Variants in GABRA5 observed in about 807,000 individuals in gnomAD.
GABRA5 encodes the protein gamma-aminobutyric acid receptor subunit alpha-5.
In GABRA5, 18 loss-of-function variants were observed where a neutral mutation model predicts 47.3. The observed-to-expected ratio is 0.38, with a 90% CI of 0.26 to 0.56. The LOEUF (loss-of-function observed/expected upper bound fraction) is 0.56. Ranked by LOEUF, GABRA5 falls within the 20% of genes least tolerant of loss-of-function variation. The pLI is 0.71. For synonymous variants in GABRA5, 237 were observed against 229.3 expected (o/e 1.03, Z -0.30); for missense variants, 365 against 599.3 (o/e 0.61, Z 4.08).
Position 26,872,309 on chromosome 15 carries a change from G to C in GABRA5, c.86+2975G>C, listed in dbSNP as rs143237042. Among the ~76,000 whole-genome samples the C allele has an allele frequency of 4.4e-3, 664 of 152,280 alleles. 3 individuals carry two copies. The highest frequency in any genetic ancestry group is 0.016 in the African/African-American group (649 of 41,550). On this transcript the variant is annotated intron_variant, in intron 3 of 10. Coordinates refer to ENST00000335625, the MANE Select transcript of GABRA5 (RefSeq NM_000810.4). Reference sequence around the variant, plus strand: ...TCCTAGGAGCCACTGTATGAGCTGAGCACCGTTAGCCCATCTTCTAGCTGG... The same window carrying C: ...TCCTAGGAGCCACTGTATGAGCTGACCACCGTTAGCCCATCTTCTAGCTGG...
rs112829940 is a variant in GABRA5 at position 26,922,828 on chromosome 15, A to G, written c.580+7943A>G. ...CAGGCTGGAGTGCAATGGGGTGATCATAGCACACTGCAGCCTCAAACTCTT... is the reference window on the plus strand; with the variant it reads ...CAGGCTGGAGTGCAATGGGGTGATCGTAGCACACTGCAGCCTCAAACTCTT... On this transcript the variant is annotated intron_variant, in intron 7 of 10. Coordinates refer to ENST00000335625, the MANE Select transcript of GABRA5 (RefSeq NM_000810.4). Among the ~76,000 whole-genome samples the G allele has an allele frequency of 2.6e-3, 397 of 152,278 alleles. 5 individuals are homozygous for G. The highest frequency in any genetic ancestry group is 9.0e-3 in the African/African-American group (376 of 41,550).
intron 3 of GABRA5, among the ~76,000 whole-genome samples, chr15:26,875,562 A>G (rs1367345913): frequency 2.0e-5 from 3 of 152,150 alleles, no homozygotes; most frequent in African/African-American, 7.2e-5. Flanking sequence ...GAGGGAGGTG[A>G]GGATGTGAGC....
chr15:26,939,493 G>C (rs563174099), intron 8 of GABRA5: 1 of 722,906 alleles, frequency 1.4e-6, no homozygotes, highest in Admixed American at 1.9e-5. Context: ...GGGAGTGGTC[G>C]TCTCACCTCC....
chr15:26,891,180 G>A (rs2140266635), intron 6 of GABRA5, among the ~76,000 whole-genome samples: 1 of 152,234 alleles, frequency 6.6e-6, no homozygotes, highest in South Asian at 2.1e-4. Flanking sequence ...TCTCACACAG[G>A]ACCACATCAC....
intron 6 of GABRA5, among the ~76,000 whole-genome samples, chr15:26,902,114 T>C (rs1319622221): frequency 1.3e-5 from 2 of 152,090 alleles, no homozygotes; most frequent in African/African-American, 4.8e-5. Context: ...TCGATATCAT[T>C]ATGGCTACTC....
Position 26,948,369 on chromosome 15 carries a change from A to G in GABRA5, c.*136A>G. 1 of 736,734 alleles carries G rather than the reference A, an allele frequency of 1.4e-6. No individual in the cohort carries two copies. 45.6% of individuals were successfully genotyped at this position (736,734 alleles called of 1,614,324 possible). Reference sequence around the variant, plus strand: ...TTTGCATGTTTAATAATATGTACAAATAATATTGCCTTGATGTTTCTATAT... The same window carrying G: ...TTTGCATGTTTAATAATATGTACAAGTAATATTGCCTTGATGTTTCTATAT... On this transcript the variant is annotated 3_prime_UTR_variant, in exon 11 of 11. Transcript: ENST00000335625.
intron 4 of GABRA5, among the ~76,000 whole-genome samples, chr15:26,882,264 C>T (rs984222510): frequency 1.3e-5 from 2 of 152,140 alleles, no homozygotes; most frequent in Non-Finnish European, 1.5e-5. Flanking sequence ...TGGAAAGCCT[C>T]CCGGGCCACC....
chr15:26,875,519 G>A (rs920409579), intron 3 of GABRA5, among the ~76,000 whole-genome samples: 4 of 152,204 alleles, frequency 2.6e-5, no homozygotes, highest in Admixed American at 6.5e-5. Flanking sequence ...GAGACAGTGC[G>A]TGTGCTGGAA....
chr15:26,868,954 C>A (rs1002060738), intron 2 of GABRA5, among the ~76,000 whole-genome samples, 161 bp downstream of exon 2: 1 of 152,138 alleles, frequency 6.6e-6, no homozygotes, highest in Non-Finnish European at 1.5e-5. Context: ...TGATTCTGCA[C>A]CCTGAGTAGA....
rs567375116 is a variant in GABRA5, at chr15:26,944,262, G to A, written c.1089+836G>A. Among the ~76,000 whole-genome samples the A allele has an allele frequency of 7.9e-5, 12 of 152,354 alleles. No homozygotes were observed. In the East Asian group the frequency reaches 2.3e-3, roughly 29 times the overall value. On this transcript the variant is annotated intron_variant, in intron 10 of 10. Coordinates refer to ENST00000335625, the MANE Select transcript of GABRA5 (RefSeq NM_000810.4). ...AGTTACAGCAGAGCAGGAGGCCCTG[G>A]TTCCACTGGGAGACCTGCTTCCATC...
intron 2 of GABRA5, 30 bp from the exon 3 acceptor site, chr15:26,869,145 A>T: frequency 1.3e-6 from 1 of 749,930 alleles, no homozygotes; most frequent in South Asian, 1.5e-5. Context: ...ATTGATGTTC[A>T]CGTGCTTCCC....
At chr15:26,877,759 G>C in intron 3 of GABRA5, 1 of 436,476 alleles carries the variant, frequency 2.3e-6, no homozygotes, top group South Asian at 1.6e-5. Context: ...GTTTTGTAGA[G>C]AATATGCATT....
intron 6 of GABRA5, among the ~76,000 whole-genome samples, chr15:26,914,279 T>G (rs1324252108): frequency 6.6e-6 from 1 of 152,210 alleles, no homozygotes; most frequent in African/African-American, 2.4e-5. Flanking sequence ...GGTCAAAATT[T>G]GGGCGTGTAG....
At chr15:26,897,340 C>G (rs563352007) in intron 6 of GABRA5, among the ~76,000 whole-genome samples, 1 of 152,212 alleles carries the variant, frequency 6.6e-6, no homozygotes, top group East Asian at 1.9e-4. Context: ...ACACGGGCAC[C>G]CACAGAAGGA....
intron 6 of GABRA5, among the ~76,000 whole-genome samples, chr15:26,907,625 A>C (rs1332994216): frequency 6.6e-6 from 1 of 152,186 alleles, no homozygotes; most frequent in Non-Finnish European, 1.5e-5. Flanking sequence ...CAGTGGATCT[A>C]CAACCATCAC....
In GABRA5 at chr15:26,940,013, C is replaced by T. The variant is rs368673573; in HGVS notation, c.813C>T (p.Thr271=). Residue 271 remains threonine, a synonymous_variant, in exon 9 of 11, where the codon ACC becomes ACT. Coordinates refer to ENST00000335625, the MANE Select transcript of GABRA5 (RefSeq NM_000810.4). ...VIQTYLPCIM[T]VILSQVSFWL... ...AGACCTACCTTCCCTGCATAATGAC[C>T]GTGATCTTATCACAGGTGTCCTTTT... The T allele has an allele frequency of 5.5e-5, 89 of 1,613,822 alleles. No homozygotes were observed. Among genetic ancestry groups the T allele is most frequent in the African/African-American group, 9.3e-5 (7 of 74,908 alleles).
chr15:26,888,649 C>T (rs1199982747), intron 6 of GABRA5, among the ~76,000 whole-genome samples: 1 of 152,220 alleles, frequency 6.6e-6, no homozygotes, highest in Non-Finnish European at 1.5e-5. Flanking sequence ...CCACCTGTTT[C>T]AGAGACCCCA....
chr15:26,895,960 C>A (rs1296946978), intron 6 of GABRA5, among the ~76,000 whole-genome samples: 1 of 152,052 alleles, frequency 6.6e-6, no homozygotes, highest in Non-Finnish European at 1.5e-5. Flanking sequence ...GACCAGCCTC[C>A]CCCTGCCTCC....
intron 7 of GABRA5, among the ~76,000 whole-genome samples, chr15:26,918,591 A>G (rs1423461281): frequency 6.6e-6 from 1 of 151,992 alleles, no homozygotes; most frequent in Non-Finnish European, 1.5e-5. Flanking sequence ...TTCTCCCTTC[A>G]GTTCTGTCAA....
Sources: gnomAD v4.1 joint callset for allele counts (sites outside exome capture counted in the v4.1 genomes callset) on GRCh38, gnomAD v4.1.1 for gene constraint, MANE v1.5 for transcripts, NCBI Gene and HGNC (gene_info 2026-07-23, HGNC 2026-07-21) for gene names.